The following CAMKMT variants were observed in gnomAD, a reference collection of about 807,000 sequenced individuals.
CAMKMT encodes the protein calmodulin-lysine N-methyltransferase.
CAMKMT carries 53 observed loss-of-function variants against 48.0 expected under a neutral mutation model. The ratio of observed to expected loss-of-function variants is 1.10; its 90% CI spans 0.89 to 1.39. The LOEUF is 1.39. Ranked by LOEUF, CAMKMT falls within the 40% of genes most tolerant of loss-of-function variation. The pLI is 0.00. For missense variants in CAMKMT, 428 were observed against 402.7 expected (o/e 1.06, Z -0.54); for synonymous variants, 165 against 152.3 (o/e 1.08, Z -0.61).
At position 44,558,019 on chromosome 2, in the gene CAMKMT, TTTTA is replaced by T. The variant is rs555250948; in HGVS notation, c.377-146249_377-146246del. Among the ~76,000 whole-genome samples, 663 of 149,560 alleles carry T rather than the reference TTTTA, an allele frequency of 4.4e-3. 3 individuals carry two copies. Among genetic ancestry groups the T allele is most frequent in the African/African-American group, 0.016 (637 of 40,154 alleles). ...TGATCAACTGCAATACTATTGTGAG[TTTTA>T]TTTATTTATTTATTCATTCATTCAT... is the stretch of plus-strand genomic sequence containing the variant. On this transcript the variant is annotated intron_variant, in intron 3 of 10. Coordinates refer to ENST00000378494, the MANE Select transcript of CAMKMT (RefSeq NM_024766.5).
intron 9 of CAMKMT, among the ~76,000 whole-genome samples, chr2:44,763,727 A>G (rs1286551084): frequency 2.6e-5 from 4 of 152,154 alleles, no homozygotes; most frequent in Non-Finnish European, 5.9e-5. Flanking sequence ...GAGGAAAGGG[A>G]TGTTTAGGCA....
intron 3 of CAMKMT, among the ~76,000 whole-genome samples, chr2:44,414,938 G>A (rs1047323520): frequency 5.9e-5 from 9 of 152,292 alleles, no homozygotes; most frequent in Admixed American, 2.0e-4. Flanking sequence ...GGCGGATCAC[G>A]AGGTCAAGAG....
intron 3 of CAMKMT, among the ~76,000 whole-genome samples, chr2:44,435,018 A>G (rs1445570291): frequency 1.3e-5 from 2 of 152,178 alleles, no homozygotes; most frequent in Non-Finnish European, 1.5e-5. Flanking sequence ...TTCAAATATG[A>G]GCATCGTTAG....
intron 3 of CAMKMT, among the ~76,000 whole-genome samples, chr2:44,637,360 T>C (rs1673191388): frequency 2.0e-5 from 3 of 152,200 alleles, no homozygotes; most frequent in Admixed American, 1.3e-4. Flanking sequence ...CATATTAAAG[T>C]TCTTATTAGT....
intron 3 of CAMKMT, among the ~76,000 whole-genome samples, chr2:44,660,998 T>C (rs1223960682): frequency 1.3e-5 from 2 of 152,226 alleles, no homozygotes; most frequent in Admixed American, 1.3e-4. Context: ...ATCCTTTTAC[T>C]TGTGGTATAT....
intron 3 of CAMKMT, among the ~76,000 whole-genome samples, chr2:44,410,797 A>G (rs2104476623): frequency 6.6e-6 from 1 of 152,336 alleles, no homozygotes; most frequent in South Asian, 2.1e-4. Context: ...CCCAGAGATT[A>G]AAGAGTTTTA....
intron 3 of CAMKMT, chr2:44,394,768 C>G: frequency 2.3e-6 from 1 of 440,282 alleles, no homozygotes; most frequent in Non-Finnish European, 4.5e-6. Flanking sequence ...GACTTTGCTT[C>G]CTAGTGGTCT....
intron 3 of CAMKMT, among the ~76,000 whole-genome samples, chr2:44,467,176 C>T (rs1668159766): frequency 6.6e-6 from 1 of 151,832 alleles, no homozygotes; most frequent in Admixed American, 6.6e-5. Context: ...ATTGCTTGAG[C>T]CTGGGAGGTC....
chr2:44,627,697 CTTTTTTTTTT>C (rs1174344846), intron 3 of CAMKMT, among the ~76,000 whole-genome samples: 28 of 75,094 alleles, frequency 3.7e-4, no homozygotes, highest in Admixed American at 3.4e-3. Flanking sequence ...CCATTTTATC[CTTTTTTTTTT>C]TTTTTTTTTT....
intron 3 of CAMKMT, among the ~76,000 whole-genome samples, chr2:44,514,088 C>T (rs1019875701): frequency 1.4e-5 from 2 of 139,412 alleles, no homozygotes; most frequent in African/African-American, 2.7e-5. Flanking sequence ...GGTGACAGAG[C>T]GAGACCCTGT....
intron 1 of CAMKMT, among the ~76,000 whole-genome samples, chr2:44,365,278 T>C (rs1678471479): frequency 6.6e-6 from 1 of 152,222 alleles, no homozygotes; most frequent in Admixed American, 6.5e-5. Flanking sequence ...CATGGCCTTT[T>C]ACTTTATGTT....
At chr2:44,492,517 T>C (rs1669557457) in intron 3 of CAMKMT, among the ~76,000 whole-genome samples, 1 of 152,080 alleles carries the variant, frequency 6.6e-6, no homozygotes, top group Non-Finnish European at 1.5e-5. Flanking sequence ...AAGTAAGCAA[T>C]GTAGGTAAGG....
intron 3 of CAMKMT, among the ~76,000 whole-genome samples, chr2:44,521,072 T>C (rs1671082254): frequency 6.6e-6 from 1 of 152,170 alleles, no homozygotes; most frequent in African/African-American, 2.4e-5. Context: ...ATCTTCAGCA[T>C]GTACCATGGG....
intron 3 of CAMKMT, among the ~76,000 whole-genome samples, chr2:44,470,212 C>T (rs1317865586): frequency 6.6e-6 from 1 of 152,226 alleles, no homozygotes; most frequent in Middle Eastern, 3.4e-3. Flanking sequence ...CTAACATTCT[C>T]AATTCTGTTT....
chr2:44,389,781 T>C (rs1306092040), intron 2 of CAMKMT, among the ~76,000 whole-genome samples: 2 of 152,220 alleles, frequency 1.3e-5, no homozygotes, highest in Admixed American at 6.5e-5. Flanking sequence ...CATAACTGTC[T>C]GTAGATGGAA....
At chr2:44,406,959 TG>T (rs1304164442) in intron 3 of CAMKMT, among the ~76,000 whole-genome samples, 8 of 152,228 alleles carry the variant, frequency 5.3e-5, no homozygotes, top group Non-Finnish European at 8.8e-5. Flanking sequence ...TCTACTTAAC[TG>T]GAACAGTCTC....
chr2:44,460,995 A>G (rs893878987), intron 3 of CAMKMT, among the ~76,000 whole-genome samples: 1 of 152,068 alleles, frequency 6.6e-6, no homozygotes, highest in Non-Finnish European at 1.5e-5. Context: ...AAGTGCTGGG[A>G]TTATAGGCAT....
chr2:44,676,978 T>C (rs1417944975), intron 3 of CAMKMT, among the ~76,000 whole-genome samples: 2 of 152,208 alleles, frequency 1.3e-5, no homozygotes, highest in Non-Finnish European at 2.9e-5. Flanking sequence ...CACTGTATTT[T>C]AGCATTATGT....
At chr2:44,426,616 A>G (rs1366281468) in intron 3 of CAMKMT, among the ~76,000 whole-genome samples, 2 of 152,188 alleles carry the variant, frequency 1.3e-5, no homozygotes, top group African/African-American at 4.8e-5. Flanking sequence ...ACTTGTAACC[A>G]AGGAGGTGAA....
Sources: allele counts gnomAD v4.1 joint callset (sites outside exome capture counted in the v4.1 genomes callset), GRCh38; gene constraint gnomAD v4.1.1; transcripts MANE v1.5; gene names NCBI Gene and HGNC (gene_info 2026-07-23, HGNC 2026-07-21).